The following SFRP1 variants were observed in gnomAD, a reference collection of about 807,000 sequenced individuals.
SFRP1 encodes the protein secreted frizzled related protein 1, also known as secreted frizzled-related protein 1.
A neutral mutation model predicts 25.9 loss-of-function variants in SFRP1; 9 were observed. The observed-to-expected ratio is 0.35, with a 90% CI of 0.21 to 0.61. The LOEUF is 0.61. Among genes scored for constraint, SFRP1 ranks in the 20% least tolerant of loss-of-function variants. The probability of loss-of-function intolerance (pLI) is 0.78; values close to 1 mark genes in which losing one functional copy is unlikely to be tolerated. For missense variants in SFRP1, 346 were observed against 418.2 expected, an observed-to-expected ratio of 0.83 and a Z score of 1.51; for synonymous variants, 178 against 174.0, an observed-to-expected ratio of 1.02 and a Z score of -0.18.
In SFRP1 at chr8:41,290,886, C is replaced by CTTTTTTTTTTTTTTTTTTTTTTT. The variant is rs561965318; in HGVS notation, c.622+12552_622+12574dup. Among the ~76,000 whole-genome samples, 21 of 53,894 alleles carry CTTTTTTTTTTTTTTTTTTTTTTT rather than the reference C, an allele frequency of 3.9e-4. 8 individuals are homozygous for CTTTTTTTTTTTTTTTTTTTTTTT. The highest frequency in any genetic ancestry group is 8.5e-4 in the Non-Finnish European group (21 of 24,598). The allele number at this position is 53,894 out of a possible 152,430, so 35.4% of individuals were successfully genotyped here. On this transcript the variant is annotated intron_variant, in intron 2 of 2. Coordinates refer to ENST00000220772, the MANE Select transcript of SFRP1 (RefSeq NM_003012.5). The stretch of plus-strand genomic sequence containing the variant: ...GTCTTCTTCTCCTCCTCTTCCTCGT[C>CTTTTTTTTTTTTTTTTTTTTTTT]TTTTTTTTTTTTTTTTTTTTTTTTT...
Position 41,309,172 on chromosome 8 carries a change from C to T in SFRP1, c.-13G>A. ...GCCCGATGCCCATGCCGGCTCTGCGCCCTGTTCTCCGCGACGTCGGGGCTG... is the reference window on the plus strand; with the variant it reads ...GCCCGATGCCCATGCCGGCTCTGCGTCCTGTTCTCCGCGACGTCGGGGCTG... On this transcript the variant is annotated 5_prime_UTR_variant, in exon 1 of 3. Transcript: ENST00000220772. The T allele has an allele frequency of 1.5e-6, 2 of 1,319,178 alleles. No individual in the cohort carries two copies. The highest frequency in any genetic ancestry group is 2.8e-4 in the Middle Eastern group (1 of 3,620). The allele number at this position is 1,319,178 out of a possible 1,614,324, so 81.7% of individuals were successfully genotyped here. A position where few individuals can be genotyped will look rare whatever the true frequency, so the allele number is the denominator to read the frequency against.
At chr8:41,272,598 G>C (rs1167957651) in intron 2 of SFRP1, among the ~76,000 whole-genome samples, 2 of 152,296 alleles carry the variant, frequency 1.3e-5, no homozygotes, top group Admixed American at 1.3e-4. Flanking sequence ...GACAGAGCCA[G>C]ACTGTCTCAA....
chr8:41,278,628 AG>A (rs2117490810), intron 2 of SFRP1, among the ~76,000 whole-genome samples: 1 of 152,286 alleles, frequency 6.6e-6, no homozygotes, highest in Admixed American at 6.5e-5. Flanking sequence ...CTCCACCCCC[AG>A]GGGCCTTGCT....
intron 2 of SFRP1, among the ~76,000 whole-genome samples, chr8:41,273,860 T>C (rs942092413): frequency 6.6e-6 from 1 of 151,682 alleles, no homozygotes; most frequent in Non-Finnish European, 1.5e-5. Flanking sequence ...AGAGGAAGAG[T>C]CAGACCTCAA....
intron 2 of SFRP1, among the ~76,000 whole-genome samples, chr8:41,301,934 A>G (rs1297636200): frequency 6.6e-6 from 1 of 152,124 alleles, no homozygotes; most frequent in Non-Finnish European, 1.5e-5. Flanking sequence ...TGCCCTCTAG[A>G]CCCCTGCCCT....
At chr8:41,271,466 A>G (rs1026280787) in intron 2 of SFRP1, 16 of 185,262 alleles carry the variant, frequency 8.6e-5, no homozygotes, top group Admixed American at 1.0e-4. Flanking sequence ...GAGCCATCCA[A>G]AAAAATTCGG....
intron 2 of SFRP1, among the ~76,000 whole-genome samples, chr8:41,290,998 C>A (rs762541299): frequency 6.9e-6 from 1 of 145,552 alleles, no homozygotes; most frequent in East Asian, 2.1e-4. Flanking sequence ...GCTCCACCTC[C>A]CAGGTTCACA....
chr8:41,270,829 A>AAAAAAAAG (rs2117481863), intron 2 of SFRP1, among the ~76,000 whole-genome samples: 1 of 151,732 alleles, frequency 6.6e-6, no homozygotes, highest in Non-Finnish European at 1.5e-5. Context: ...CTCAAAAAAA[A>AAAAAAAAG]AAAAAGAAAA....
intron 2 of SFRP1, among the ~76,000 whole-genome samples, chr8:41,301,214 C>T (rs1803912132): frequency 6.6e-6 from 1 of 152,138 alleles, no homozygotes; most frequent in Non-Finnish European, 1.5e-5. Context: ...GATGTCAGGG[C>T]CACTTAATGC....
Position 41,308,921 on chromosome 8 carries a change from T to C in SFRP1, c.239A>G (p.Asn80Ser). The change falls in exon 1 of 3, where the codon AAC (asparagine) becomes AGC (serine). Residue 80 changes from asparagine (N) to serine (S), a missense_variant. Coordinates refer to ENST00000220772, the MANE Select transcript of SFRP1 (RefSeq NM_003012.5). ...CGCCATGGTCTCGTGCTCCAGCAGG[T>C]TGGGCAGCACCATCTTCTTGTAGCC... ...NVGYKKMVLPNLLEHETMAEV... is the reference protein window; with the variant it reads ...NVGYKKMVLPSLLEHETMAEV... 6.2e-7 allele frequency: 1 copy of C among 1,613,122 alleles called. No homozygotes were observed. The highest frequency in any genetic ancestry group is 2.2e-5 in the East Asian group (1 of 44,846).
At chr8:41,276,432 A>G (rs908911327) in intron 2 of SFRP1, among the ~76,000 whole-genome samples, 1 of 152,204 alleles carries the variant, frequency 6.6e-6, no homozygotes, top group Non-Finnish European at 1.5e-5. Flanking sequence ...GGCCCAGATA[A>G]GTCCTACTGA....
intron 2 of SFRP1, among the ~76,000 whole-genome samples, chr8:41,301,109 CA>C (rs987252792): frequency 1.3e-5 from 2 of 152,162 alleles, no homozygotes; most frequent in African/African-American, 2.4e-5. Flanking sequence ...GATGCAGTGG[CA>C]GGGGGACGAG....
intron 2 of SFRP1, among the ~76,000 whole-genome samples, chr8:41,292,913 GC>G (rs1429776067): frequency 1.3e-5 from 2 of 152,184 alleles, no homozygotes; most frequent in Non-Finnish European, 2.9e-5. Flanking sequence ...CTGGCATTTG[GC>G]ACTGTGCAGA....
At chr8:41,269,242 C>G (rs556186708) in intron 2 of SFRP1, among the ~76,000 whole-genome samples, 121 of 152,264 alleles carry the variant, frequency 7.9e-4, no homozygotes, top group Admixed American at 1.4e-3. Context: ...TAATCTAAAA[C>G]CAAACAAAAA....
intron 2 of SFRP1, among the ~76,000 whole-genome samples, chr8:41,290,508 T>C (rs1803762191): frequency 6.6e-6 from 1 of 152,224 alleles, no homozygotes. Context: ...CTCTTGGTAA[T>C]GGCCAGCTCT....
At chr8:41,299,486 G>A (rs1803884799) in intron 2 of SFRP1, among the ~76,000 whole-genome samples, 1 of 121,954 alleles carries the variant, frequency 8.2e-6, no homozygotes, top group South Asian at 2.7e-4. Flanking sequence ...CTTGAAAAGA[G>A]CCTTCTCCTT....
At chr8:41,305,681 C>T (rs1803986658) in intron 1 of SFRP1, among the ~76,000 whole-genome samples, 1 of 151,952 alleles carries the variant, frequency 6.6e-6, no homozygotes, top group African/African-American at 2.4e-5. Context: ...AGCAAATGAA[C>T]AAAAAAAGCA....
rs75156267 is a variant in SFRP1 at position 41,276,456 on chromosome 8, A to T, written c.623-10967T>A. Among the ~76,000 whole-genome samples the T allele has an allele frequency of 7.5e-4, 114 of 152,326 alleles. No homozygotes were observed. In the East Asian group the frequency reaches 0.016, roughly 21 times the overall value. The stretch of plus-strand genomic sequence containing the variant: ...AAGTCCTACTGACAATGGCCTTGCA[A>T]TGGCAGCTTAACAGACCCCACTGTT... On this transcript the variant is annotated intron_variant, in intron 2 of 2. Coordinates refer to ENST00000220772, the MANE Select transcript of SFRP1 (RefSeq NM_003012.5).
chr8:41,280,879 A>G (rs1021782787), intron 2 of SFRP1, among the ~76,000 whole-genome samples: 2 of 152,200 alleles, frequency 1.3e-5, no homozygotes, highest in Non-Finnish European at 2.9e-5. Context: ...AACTCCCAGA[A>G]GCGTTCCTAG....
Sources: gnomAD v4.1 joint callset for allele counts (sites outside exome capture counted in the v4.1 genomes callset) on GRCh38, gnomAD v4.1.1 for gene constraint, MANE v1.5 for transcripts, NCBI Gene and HGNC (gene_info 2026-07-23, HGNC 2026-07-21) for gene names.